SNAP25: variants seen among roughly 807,000 people sequenced by gnomAD.
SNAP25 encodes the protein synaptosomal-associated protein 25.
Under a neutral mutation model 28.7 loss-of-function variants are expected in SNAP25, and 3 were observed. That is an observed-to-expected ratio of 0.10 (90% CI 0.05 to 0.27). SNAP25 has a LOEUF of 0.27. Among genes scored for constraint, SNAP25 ranks in the 10% least tolerant of loss-of-function variants. SNAP25 has a pLI of 1.00. For missense variants in SNAP25, 117 were observed against 278.7 expected, an observed-to-expected ratio of 0.42 and a Z score of 4.13; for synonymous variants, 61 against 88.1, an observed-to-expected ratio of 0.69 and a Z score of 1.72.
intron 1 of SNAP25, among the ~76,000 whole-genome samples, chr20:10,264,628 C>G (rs754982918): frequency 3.9e-5 from 6 of 152,248 alleles, no homozygotes; most frequent in African/African-American, 1.2e-4. Flanking sequence ...TGGGGAGCCG[C>G]GTTCTTGTGT....
At chr20:10,271,206 C>T (rs1043401764) in intron 1 of SNAP25, among the ~76,000 whole-genome samples, 3 of 152,198 alleles carry the variant, frequency 2.0e-5, no homozygotes, top group Admixed American at 1.3e-4. Context: ...TCACTACTAA[C>T]GTCCTTTCAG....
At chr20:10,254,655 C>T (rs1001651633) in intron 1 of SNAP25, among the ~76,000 whole-genome samples, 9 of 152,146 alleles carry the variant, frequency 5.9e-5, no homozygotes, top group African/African-American at 1.9e-4. Context: ...CCTGAGCTAC[C>T]TGCTTTGTAA....
chr20:10,243,367 T>A (rs1001749323), intron 1 of SNAP25, among the ~76,000 whole-genome samples: 1 of 152,238 alleles, frequency 6.6e-6, no homozygotes, highest in African/African-American at 2.4e-5. Flanking sequence ...TACATTACTA[T>A]TAATCGACCT....
intron 1 of SNAP25, among the ~76,000 whole-genome samples, chr20:10,232,443 T>C (rs1470867149): frequency 6.6e-6 from 1 of 152,216 alleles, no homozygotes; most frequent in African/African-American, 2.4e-5. Context: ...TCCAAAAGGT[T>C]GGGCTGAATA....
At chr20:10,249,931 G>A (rs376641038) in intron 1 of SNAP25, among the ~76,000 whole-genome samples, 33 of 152,148 alleles carry the variant, frequency 2.2e-4, no homozygotes, top group African/African-American at 7.2e-4. Flanking sequence ...AGGATCACCT[G>A]GAGAGCTTAT....
At chr20:10,288,439 A>T (rs1368930923) in intron 4 of SNAP25, among the ~76,000 whole-genome samples, 4 of 152,244 alleles carry the variant, frequency 2.6e-5, no homozygotes, top group African/African-American at 9.6e-5. Context: ...GATAAATTGC[A>T]TTGTACTTTG....
At chr20:10,236,997 G>A (rs952383764) in intron 1 of SNAP25, among the ~76,000 whole-genome samples, 1 of 104,106 alleles carries the variant, frequency 9.6e-6, no homozygotes, top group Non-Finnish European at 2.2e-5. Context: ...AATAAATAAA[G>A]GCTTCTAAAT....
At chr20:10,288,823 T>A (rs990047711) in intron 4 of SNAP25, among the ~76,000 whole-genome samples, 1 of 133,808 alleles carries the variant, frequency 7.5e-6, no homozygotes. Flanking sequence ...ACTTAGGACC[T>A]TTTTTTTTTT....
intron 1 of SNAP25, among the ~76,000 whole-genome samples, chr20:10,240,041 T>C (rs1442125353): frequency 6.6e-6 from 1 of 152,218 alleles, no homozygotes; most frequent in Non-Finnish European, 1.5e-5. Flanking sequence ...GCTCTCTCCT[T>C]AGGGTCTCCC....
intron 1 of SNAP25, among the ~76,000 whole-genome samples, chr20:10,238,113 T>G (rs893889890): frequency 2.6e-5 from 4 of 152,132 alleles, no homozygotes; most frequent in Admixed American, 6.6e-5. Context: ...TCTTTGAATC[T>G]CCAAGTCCTT....
chr20:10,223,554 G>C (rs953118325), intron 1 of SNAP25, among the ~76,000 whole-genome samples: 4 of 152,110 alleles, frequency 2.6e-5, no homozygotes, highest in African/African-American at 9.7e-5. Flanking sequence ...GCTTTAGGAG[G>C]TCAGGTTGGT....
chr20:10,221,230 G>A (rs909943551), intron 1 of SNAP25, among the ~76,000 whole-genome samples: 7 of 152,214 alleles, frequency 4.6e-5, no homozygotes, highest in African/African-American at 1.4e-4. Flanking sequence ...TGCTGGGTTT[G>A]TTTGCTAGTG....
At chr20:10,305,150 T>G (rs535829360) in intron 7 of SNAP25, among the ~76,000 whole-genome samples, 1 of 152,212 alleles carries the variant, frequency 6.6e-6, no homozygotes, top group East Asian at 1.9e-4. Context: ...CATGCCTAAT[T>G]TTTTCTAAAT....
chr20:10,252,928 A>AC (rs2063257447), intron 1 of SNAP25, among the ~76,000 whole-genome samples: 1 of 152,072 alleles, frequency 6.6e-6, no homozygotes. Flanking sequence ...GAAAAAAAAA[A>AC]GGGAGATAAT....
chr20:10,235,095 T>C lies in SNAP25; in HGVS notation c.-64+16118T>C, dbSNP rs1025923095. Among the ~76,000 whole-genome samples the C allele has an allele frequency of 1.4e-4, 22 of 151,806 alleles. 1 individual carries two copies. Among genetic ancestry groups the C allele is most frequent in the Non-Finnish European group, 2.1e-4 (14 of 67,976 alleles). ...AGAAATAAAGTAAATTAGTTGGGCA[T>C]GGTGGCATGCACCAGCAGTCCCAGC... On this transcript the variant is annotated intron_variant, in intron 1 of 7. Transcript: ENST00000254976.
At chr20:10,275,353 T>C (rs1230303410) in intron 1 of SNAP25, 76 bp from the exon 2 acceptor site, 2 of 615,496 alleles carry the variant, frequency 3.2e-6, no homozygotes, top group Admixed American at 6.6e-5. Context: ...TATGGGCCAT[T>C]TAGATTTTCT....
At chr20:10,258,780 A>G (rs1203391618) in intron 1 of SNAP25, among the ~76,000 whole-genome samples, 1 of 152,118 alleles carries the variant, frequency 6.6e-6, no homozygotes, top group African/African-American at 2.4e-5. Context: ...GACTCCCACA[A>G]TCACTTCAGA....
In SNAP25 at chr20:10,306,906, A is replaced by G. The variant is rs1234704241; in HGVS notation, c.*709A>G. 6.5e-6 allele frequency: 1 copy of G among 153,548 alleles called. No individual in the cohort carries two copies. Among genetic ancestry groups the G allele is most frequent in the African/African-American group, 2.4e-5 (1 of 41,482 alleles). 9.5% of individuals were successfully genotyped at this position (153,548 alleles called of 1,614,324 possible). A position where few individuals can be genotyped will look rare whatever the true frequency, so the allele number is the denominator to read the frequency against. ...TAAGTTATACCAGCAAAAGTGCAGTAGTGTCACTTTTTTCCTGTCAATATA... is the reference window on the plus strand; with the variant it reads ...TAAGTTATACCAGCAAAAGTGCAGTGGTGTCACTTTTTTCCTGTCAATATA... On this transcript the variant is annotated 3_prime_UTR_variant, in exon 8 of 8. Coordinates refer to ENST00000254976, the MANE Select transcript of SNAP25 (RefSeq NM_130811.4).
chr20:10,291,130 A>G (rs2063988987), intron 4 of SNAP25, among the ~76,000 whole-genome samples: 2 of 152,110 alleles, frequency 1.3e-5, no homozygotes, highest in South Asian at 4.1e-4. Flanking sequence ...CTGGAATGCA[A>G]TAGTGCAATC....
Sources: gnomAD v4.1 joint callset for allele counts (sites outside exome capture counted in the v4.1 genomes callset) on GRCh38, gnomAD v4.1.1 for gene constraint, MANE v1.5 for transcripts, NCBI Gene and HGNC (gene_info 2026-07-23, HGNC 2026-07-21) for gene names.